RANBP17: variants seen among roughly 807,000 people sequenced by gnomAD.
The protein encoded by RANBP17 is ran-binding protein 17.
In RANBP17, 158 loss-of-function variants were observed where a neutral mutation model predicts 141.2. The observed-to-expected ratio is 1.12, with a 90% confidence interval of 0.98 to 1.28. The LOEUF (loss-of-function observed/expected upper bound fraction) is 1.28, where lower values mean the gene tolerates loss of function less well. RANBP17 is among the 50% of genes most tolerant of loss of function. The pLI is 0.00. For synonymous variants in RANBP17, 430 were observed against 450.0 expected, an observed-to-expected ratio of 0.96 and a Z score of 0.56; for missense variants, 1,438 against 1,290.7, an observed-to-expected ratio of 1.11 and a Z score of -1.75.
intron 14 of RANBP17, among the ~76,000 whole-genome samples, chr5:171,155,094 A>AAAAAATATATATATATATATAT (rs34090443): frequency 2.7e-5 from 2 of 74,964 alleles, no homozygotes; most frequent in African/African-American, 1.0e-4. Context: ...AAAAAAAAAA[A>AAAAAATATATATATATATATAT]ATATATATAT....
intron 20 of RANBP17, among the ~76,000 whole-genome samples, chr5:171,213,321 T>G (rs1474345043): frequency 2.0e-5 from 3 of 152,190 alleles, no homozygotes; most frequent in Non-Finnish European, 4.4e-5. Context: ...AATCTTTAAA[T>G]GTACTGCTTA....
At chr5:171,167,120 T>C (rs1439423688) in intron 14 of RANBP17, among the ~76,000 whole-genome samples, 1 of 152,154 alleles carries the variant, frequency 6.6e-6, no homozygotes, top group Non-Finnish European at 1.5e-5. Context: ...TCTAGTATAT[T>C]ATTGGGTCAG....
At chr5:171,024,207 A>G (rs1781081566) in intron 14 of RANBP17, among the ~76,000 whole-genome samples, 1 of 152,184 alleles carries the variant, frequency 6.6e-6, no homozygotes, top group Non-Finnish European at 1.5e-5. Flanking sequence ...CTGTGAAGAC[A>G]GTACTGCAGG....
intron 22 of RANBP17, among the ~76,000 whole-genome samples, chr5:171,234,821 A>G (rs1313289326): frequency 6.6e-6 from 1 of 152,216 alleles, no homozygotes; most frequent in African/African-American, 2.4e-5. Context: ...GAGATGTTGA[A>G]TGCCAATATG....
chr5:171,196,405 G>A (rs941806961), intron 18 of RANBP17, among the ~76,000 whole-genome samples: 3 of 152,120 alleles, frequency 2.0e-5, no homozygotes, highest in South Asian at 2.1e-4. Flanking sequence ...TTTATCTGTC[G>A]CTCAGAATAT....
At chr5:171,006,585 G>A (rs772342020) in intron 14 of RANBP17, among the ~76,000 whole-genome samples, 10 of 152,080 alleles carry the variant, frequency 6.6e-5, no homozygotes, top group Admixed American at 1.3e-4. Flanking sequence ...ATCACACACC[G>A]GGGCCTATTG....
At chr5:171,286,098 T>G (rs1161576046) in intron 25 of RANBP17, among the ~76,000 whole-genome samples, 1 of 152,224 alleles carries the variant, frequency 6.6e-6, no homozygotes, top group African/African-American at 2.4e-5. Context: ...AAGAGTTTCT[T>G]AATTTTTGAA....
intron 14 of RANBP17, among the ~76,000 whole-genome samples, chr5:171,012,470 A>T (rs139233473): frequency 3.9e-5 from 6 of 152,110 alleles, no homozygotes; most frequent in Non-Finnish European, 8.8e-5. Context: ...TGGAATCTAT[A>T]TATTATAGTT....
At chr5:171,005,317 G>A (rs970423542) in intron 14 of RANBP17, among the ~76,000 whole-genome samples, 3 of 152,112 alleles carry the variant, frequency 2.0e-5, no homozygotes, top group African/African-American at 7.2e-5. Flanking sequence ...CAAAGCTGGA[G>A]GCATCATGGT....
chr5:170,903,954 C>G (rs753164238), intron 5 of RANBP17: 4 of 505,760 alleles, frequency 7.9e-6, no homozygotes, highest in African/African-American at 4.0e-5. Context: ...CCTAACACCT[C>G]TATACACACT....
At chr5:170,989,882 C>G (rs1043848914) in intron 14 of RANBP17, among the ~76,000 whole-genome samples, 3 of 151,638 alleles carry the variant, frequency 2.0e-5, no homozygotes, top group Non-Finnish European at 4.4e-5. Flanking sequence ...AGATGTAAAA[C>G]AAACAATGAA....
rs140150486 is a variant in RANBP17, at chr5:171,090,525, G to C, written c.1711-79605G>C. Among the ~76,000 whole-genome samples the C allele has an allele frequency of 4.2e-3, 639 of 152,234 alleles. 5 individuals carry two copies. The highest frequency in any genetic ancestry group is 0.015 in the African/African-American group (615 of 41,528). ...AAAAGAATATCCCATTTTCTGAGAA[G>C]AAATTCAAGCTGGCTGCAGAAGTAA... On this transcript the variant is annotated intron_variant, in intron 14 of 27. Coordinates refer to ENST00000523189, the MANE Select transcript of RANBP17 (RefSeq NM_022897.5).
chr5:171,153,353 T>C (rs1758622512), intron 14 of RANBP17, among the ~76,000 whole-genome samples: 1 of 152,250 alleles, frequency 6.6e-6, no homozygotes, highest in Non-Finnish European at 1.5e-5. Flanking sequence ...TATTTTTGGC[T>C]AGATTAGTGG....
intron 14 of RANBP17, among the ~76,000 whole-genome samples, chr5:171,047,050 T>C (rs999666697): frequency 7.3e-6 from 1 of 137,468 alleles, no homozygotes; most frequent in Admixed American, 8.0e-5. Context: ...GGAGTTTTGC[T>C]CTTGTTGCCC....
At chr5:171,158,756 G>A (rs902157335) in intron 14 of RANBP17, among the ~76,000 whole-genome samples, 1 of 151,672 alleles carries the variant, frequency 6.6e-6, no homozygotes, top group Non-Finnish European at 1.5e-5. Context: ...GCTTGTTGGT[G>A]CCAGTTCTCA....
At chr5:170,897,336 G>T in intron 5 of RANBP17, 2 of 558,626 alleles carry the variant, frequency 3.6e-6, no homozygotes, top group South Asian at 1.6e-5. Flanking sequence ...TCTGGGCTTG[G>T]CACATTTCTT....
At chr5:171,038,145 A>G (rs1384965008) in intron 14 of RANBP17, among the ~76,000 whole-genome samples, 1 of 147,584 alleles carries the variant, frequency 6.8e-6, no homozygotes, top group East Asian at 2.0e-4. Context: ...CTTTTTGTTT[A>G]GATGTATTCT....
intron 4 of RANBP17, among the ~76,000 whole-genome samples, chr5:170,893,726 G>A (rs1769854551): frequency 6.6e-6 from 1 of 151,794 alleles, no homozygotes; most frequent in South Asian, 2.1e-4. Context: ...CCGGTAGACG[G>A]AGCTTGCAGT....
At chr5:170,881,209 C>T (rs1194933125) in intron 2 of RANBP17, among the ~76,000 whole-genome samples, 3 of 152,128 alleles carry the variant, frequency 2.0e-5, no homozygotes, top group African/African-American at 7.2e-5. Flanking sequence ...CATAGTTTGC[C>T]AGCCTCTGGT....
Sources: gnomAD v4.1 joint callset for allele counts (sites outside exome capture counted in the v4.1 genomes callset) on GRCh38, gnomAD v4.1.1 for gene constraint, MANE v1.5 for transcripts, NCBI Gene and HGNC (gene_info 2026-07-23, HGNC 2026-07-21) for gene names.